Variants in SKA1 observed in about 807,000 individuals in gnomAD.
SKA1 encodes SKA complex subunit 1.
A neutral mutation model predicts 31.8 loss-of-function variants in SKA1; 20 were observed. The observed-to-expected ratio is 0.63, with a 90% CI of 0.44 to 0.91. SKA1 has a LOEUF of 0.91. Among genes scored for constraint, SKA1 ranks in the 40% least tolerant of loss-of-function variants. The probability of loss-of-function intolerance (pLI) is 0.00; values close to 1 mark genes in which losing one functional copy is unlikely to be tolerated. For synonymous variants in SKA1, 88 were observed against 100.5 expected (o/e 0.88, Z 0.74); for missense variants, 253 against 298.2 (o/e 0.85, Z 1.12).
chr18:50,376,159 C>T (rs1374499963), intron 2 of SKA1, among the ~76,000 whole-genome samples: 1 of 152,156 alleles, frequency 6.6e-6, no homozygotes, highest in African/African-American at 2.4e-5. Flanking sequence ...TTCTGAGACA[C>T]ATAGGCCAAT....
At chr18:50,379,048 A>G (rs958450703) in intron 2 of SKA1, among the ~76,000 whole-genome samples, 3 of 150,160 alleles carry the variant, frequency 2.0e-5, no homozygotes, top group Non-Finnish European at 3.0e-5. Context: ...GGTTCACTCT[A>G]CTGCCTCCTT....
chr18:50,390,273 G>C (rs922252947), intron 5 of SKA1, among the ~76,000 whole-genome samples: 5 of 152,136 alleles, frequency 3.3e-5, no homozygotes, highest in Non-Finnish European at 5.9e-5. Context: ...ATTGTATCAA[G>C]GAAGTTTTGA....
chr18:50,380,046 A>G (rs1441293), intron 2 of SKA1, 80 bp from the exon 3 acceptor site: 864,501 of 1,223,920 alleles, frequency 0.71, 306,534 homozygotes, highest in East Asian at 0.85. Context: ...ACAGCTATCT[A>G]TTCTAAGAGT....
chr18:50,384,868 A>AC (rs1380783834), intron 4 of SKA1, among the ~76,000 whole-genome samples: 1 of 138,904 alleles, frequency 7.2e-6, no homozygotes, highest in African/African-American at 2.8e-5. Context: ...AAAAAAAAAA[A>AC]ATTAAAAAAA....
In SKA1 at chr18:50,385,816, G is replaced by C. The variant is rs553206124; in HGVS notation, c.449+463G>C. On this transcript the variant is annotated intron_variant, in intron 5 of 6. Coordinates refer to ENST00000285116, the MANE Select transcript of SKA1 (RefSeq NM_145060.4). ...AAGACAAAATGCTTCCCCCAAAGAG[G>C]GGGGCGGGTCTCCCTTGCCTTTTAC... 4.6e-5 allele frequency among the ~76,000 whole-genome samples: 7 copies of C among 152,312 alleles called. No individual in the cohort carries two copies. The East Asian group carries it at 1.2e-3, about 25-fold the overall frequency.
rs1439432890 is a variant in SKA1 at position 50,393,837 on chromosome 18, T to G, written c.*1590T>G. 3 of 152,168 alleles carry G rather than the reference T, an allele frequency of 2.0e-5. No homozygotes were observed. Among genetic ancestry groups the G allele is most frequent in the Admixed American group, 2.0e-4 (3 of 15,274 alleles). The allele number at this position is 152,168 out of a possible 1,614,324, so 9.4% of individuals were successfully genotyped here. ...CACTCTTGATGGGCACCTGGATAAC[T>G]CAGGATGGGGGCTGCTCACAAAGAC... is the stretch of plus-strand genomic sequence containing the variant. On this transcript the variant is annotated 3_prime_UTR_variant, in exon 7 of 7. Coordinates refer to ENST00000285116, the MANE Select transcript of SKA1 (RefSeq NM_145060.4).
chr18:50,377,436 G>T (rs998609765), intron 2 of SKA1, among the ~76,000 whole-genome samples: 2 of 152,188 alleles, frequency 1.3e-5, no homozygotes, highest in Non-Finnish European at 2.9e-5. Flanking sequence ...CCATCTTAGA[G>T]CCTGCTTTGG....
chr18:50,390,906 A>G (rs1448607552), intron 5 of SKA1, among the ~76,000 whole-genome samples: 1 of 152,262 alleles, frequency 6.6e-6, no homozygotes, highest in Non-Finnish European at 1.5e-5. Flanking sequence ...TAGGTAAACA[A>G]TAGAGGTTAA....
chr18:50,382,298 T>C (rs1268827297), intron 4 of SKA1, 72 bp downstream of exon 4: 12 of 919,342 alleles, frequency 1.3e-5, no homozygotes, highest in Non-Finnish European at 1.9e-5. Context: ...CAAAGCCTTT[T>C]GTTCTTTCAT....
At chr18:50,378,967 A>G (rs2041242881) in intron 2 of SKA1, among the ~76,000 whole-genome samples, 1 of 152,210 alleles carries the variant, frequency 6.6e-6, no homozygotes, top group South Asian at 2.1e-4. Flanking sequence ...AGCCCATCTT[A>G]TATGTACTTT....
At chr18:50,388,247 T>C (rs968109558) in intron 5 of SKA1, among the ~76,000 whole-genome samples, 1 of 152,094 alleles carries the variant, frequency 6.6e-6, no homozygotes, top group African/African-American at 2.4e-5. Flanking sequence ...GCCGCCACCA[T>C]GCCAGGCTAA....
chr18:50,392,046 ACT>A, intron 6 of SKA1, 51 bp from the exon 7 acceptor site: 1 of 1,391,172 alleles, frequency 7.2e-7, no homozygotes, highest in Non-Finnish European at 9.6e-7. Flanking sequence ...TGTATTAAAG[ACT>A]CTTTTGCAAG....
At position 50,385,318 on chromosome 18, in the gene SKA1, A is replaced by G. The variant is rs2041298418; in HGVS notation, c.414A>G (p.Pro138=). ...AGCAAAGAAGTATTAAGGAAATGCC[A>G]TTTATAACTTGTGATGAGTTCAATG... ...PKEQRSIKEM[P]FITCDEFNGV... The change falls in exon 5 of 7, where the codon CCA becomes CCG. Residue 138 remains proline, a synonymous_variant. Transcript: ENST00000285116. 6.2e-7 allele frequency: 1 copy of G among 1,613,474 alleles called. No individual in the cohort carries two copies. The highest frequency in any genetic ancestry group is 1.7e-5 in the Admixed American group (1 of 59,954).
intron 5 of SKA1, among the ~76,000 whole-genome samples, chr18:50,387,874 TG>T (rs1441923339): frequency 1.3e-5 from 2 of 152,232 alleles, no homozygotes; most frequent in Non-Finnish European, 1.5e-5. Context: ...TTCTGATGCT[TG>T]TGATGCTCTC....
intron 3 of SKA1, 24 bp from the exon 4 acceptor site, chr18:50,382,105 T>C (rs376064942): frequency 3.0e-6 from 4 of 1,337,214 alleles, no homozygotes; most frequent in East Asian, 2.6e-5. Context: ...CAGAGACTTA[T>C]TTGTGAGCAC....
At chr18:50,382,763 T>G (rs1455634566) in intron 4 of SKA1, among the ~76,000 whole-genome samples, 6 of 152,200 alleles carry the variant, frequency 3.9e-5, no homozygotes. Context: ...CTGGGCACAG[T>G]GGCTCACGCC....
Position 50,382,207 on chromosome 18 carries a change from G to C in SKA1, c.292G>C (p.Val98Leu). 1.3e-6 allele frequency: 2 copies of C among 1,526,350 alleles called. No individual in the cohort carries two copies. The allele number at this position is 1,526,350 out of a possible 1,614,324, so 94.6% of individuals were successfully genotyped here. A position where few individuals can be genotyped will look rare whatever the true frequency, so the allele number is the denominator to read the frequency against. The change falls in exon 4 of 7, where the codon GTA becomes CTA. Residue 98 changes from valine (V) to leucine (L), a missense_variant. By Grantham distance (32) the Val-to-Leu change is conservative. Coordinates refer to ENST00000285116, the MANE Select transcript of SKA1 (RefSeq NM_145060.4). ...AAACGTTCCTTCCCATTTGCCTCAA[G>C]TAACAGTAACCCAGAGCTGGTAAGT... The part of the protein sequence containing the change: ...KENVPSHLPQ[V>L]TVTQSCVKGS...
intron 2 of SKA1, among the ~76,000 whole-genome samples, chr18:50,377,598 TGATCC>T (rs2041229806): frequency 2.0e-5 from 3 of 152,344 alleles, no homozygotes; most frequent in Non-Finnish European, 4.4e-5. Flanking sequence ...GAGAAACAGA[TGATCC>T]TTGTCAAATC....
chr18:50,387,352 C>T (rs2041317927), intron 5 of SKA1, among the ~76,000 whole-genome samples: 1 of 152,216 alleles, frequency 6.6e-6, no homozygotes, highest in Non-Finnish European at 1.5e-5. Flanking sequence ...TATTGATATA[C>T]TTATTTTCCA....
Sources: gnomAD v4.1 joint callset for allele counts (sites outside exome capture counted in the v4.1 genomes callset) on GRCh38, gnomAD v4.1.1 for gene constraint, MANE v1.5 for transcripts, NCBI Gene and HGNC (gene_info 2026-07-23, HGNC 2026-07-21) for gene names.